The following SPAST variants were observed in gnomAD, a reference collection of about 807,000 sequenced individuals.
SPAST encodes the protein spastic paraplegia 4 (autosomal dominant; spastin).
A neutral mutation model predicts 76.6 loss-of-function variants in SPAST; 30 were observed. That is an observed-to-expected ratio of 0.39 (90% CI 0.29 to 0.53). The LOEUF is 0.53. Ranked by LOEUF, SPAST falls within the 20% of genes least tolerant of loss-of-function variation. The pLI is 0.68. For missense variants in SPAST, 717 were observed against 770.5 expected (o/e 0.93, Z 0.82); for synonymous variants, 305 against 281.0 (o/e 1.09, Z -0.86).
chr2:32,081,781 CAAAAAAAAA>C lies in SPAST; in HGVS notation c.416-5696_416-5688del, dbSNP rs34078147. ...CCTGGGCGACAGAGTGAGACACTGT[CAAAAAAAAA>C]AAAAAAAAAAAAAAGGAAAGAAAAG... On this transcript the variant is annotated intron_variant, in intron 1 of 16. Transcript: ENST00000315285. Among the ~76,000 whole-genome samples, 108 of 44,392 alleles carry C rather than the reference CAAAAAAAAA, an allele frequency of 2.4e-3. 1 individual carries two copies. In the East Asian group the frequency reaches 0.064, roughly 27 times the overall value. The allele number at this position is 44,392 out of a possible 152,430, so 29.1% of individuals were successfully genotyped here.
intron 1 of SPAST, among the ~76,000 whole-genome samples, chr2:32,078,994 C>T (rs148508739): frequency 2.0e-5 from 3 of 152,124 alleles, no homozygotes; most frequent in African/African-American, 7.2e-5. Context: ...CATGTCACCA[C>T]GCCCGGCTAA....
chr2:32,074,562 G>T (rs1425162377), intron 1 of SPAST, among the ~76,000 whole-genome samples: 2 of 151,578 alleles, frequency 1.3e-5, no homozygotes, highest in South Asian at 2.1e-4. Flanking sequence ...CTGGAGTTCA[G>T]TGGGGGCAAT....
chr2:32,066,859 A>G (rs1676532232), intron 1 of SPAST, among the ~76,000 whole-genome samples: 1 of 151,544 alleles, frequency 6.6e-6, no homozygotes, highest in Non-Finnish European at 1.5e-5. Flanking sequence ...CTGTAGTCCC[A>G]GCTACTTGGG....
At chr2:32,098,752 C>A (rs370532477) in intron 3 of SPAST, 44 bp from the exon 4 acceptor site, 166 of 1,264,890 alleles carry the variant, frequency 1.3e-4, no homozygotes, top group Middle Eastern at 3.7e-4. Flanking sequence ...TATCTTTTTT[C>A]TTTTTGTTTA....
chr2:32,139,169 A>G lies in SPAST; in HGVS notation c.1493+1981A>G, dbSNP rs1679637982. Among the ~76,000 whole-genome samples the G allele has an allele frequency of 2.0e-5, 3 of 152,164 alleles. No homozygotes were observed. The South Asian group carries it at 6.2e-4, about 31-fold the overall frequency. Reference sequence around the variant, plus strand: ...TTTTTGCTTCCATATGAATTTTAGAATATTTTTTTCTAATTTTGTGAAAAA... The same window carrying G: ...TTTTTGCTTCCATATGAATTTTAGAGTATTTTTTTCTAATTTTGTGAAAAA... On this transcript the variant is annotated intron_variant, in intron 12 of 16. Coordinates refer to ENST00000315285, the MANE Select transcript of SPAST (RefSeq NM_014946.4).
At chr2:32,148,642 C>T (rs1679974110) in intron 16 of SPAST, among the ~76,000 whole-genome samples, 2 of 151,950 alleles carry the variant, frequency 1.3e-5, no homozygotes, top group Non-Finnish European at 2.9e-5. Flanking sequence ...ACCCTGTCTC[C>T]ACTAAAAAAT....
intron 1 of SPAST, among the ~76,000 whole-genome samples, chr2:32,085,758 C>G (rs1049549346): frequency 2.6e-5 from 4 of 151,734 alleles, no homozygotes; most frequent in Non-Finnish European, 5.9e-5. Context: ...TTCATGTGGC[C>G]AGGTGCGGTG....
chr2:32,067,120 G>A (rs1676552172), intron 1 of SPAST, among the ~76,000 whole-genome samples: 1 of 152,082 alleles, frequency 6.6e-6, no homozygotes, highest in African/African-American at 2.4e-5. Flanking sequence ...GGAGTGCAAT[G>A]GTATGATCTT....
At chr2:32,146,640 G>A (rs975282267) in intron 15 of SPAST, among the ~76,000 whole-genome samples, 3 of 152,166 alleles carry the variant, frequency 2.0e-5, no homozygotes, top group African/African-American at 7.2e-5. Context: ...GCCAAGATGG[G>A]TGGATCATGA....
chr2:32,110,846 A>AGT (rs200500466), intron 4 of SPAST, among the ~76,000 whole-genome samples: 36,036 of 109,666 alleles, frequency 0.33, 6,495 homozygotes, highest in East Asian at 0.59. Context: ...TATACTATAT[A>AGT]GTATATAGAG....
rs1680233330 is a variant in SPAST, at chr2:32,155,853, G to C, written c.*1357G>C. On this transcript the variant is annotated 3_prime_UTR_variant, in exon 17 of 17. Transcript: ENST00000315285. ...CTATGTAAAATGTCATGAGTGGAAAGAATATTTGTAGTAGTAACAAGAATT... is the reference window on the plus strand; with the variant it reads ...CTATGTAAAATGTCATGAGTGGAAACAATATTTGTAGTAGTAACAAGAATT... 1 of 152,432 alleles carries C rather than the reference G, an allele frequency of 6.6e-6. No individual in the cohort carries two copies. Among genetic ancestry groups the C allele is most frequent in the Non-Finnish European group, 1.5e-5 (1 of 68,014 alleles). 9.4% of individuals were successfully genotyped at this position (152,432 alleles called of 1,614,324 possible).
intron 3 of SPAST, among the ~76,000 whole-genome samples, chr2:32,092,926 G>C (rs1004934127): frequency 1.1e-4 from 17 of 149,268 alleles, no homozygotes; most frequent in African/African-American, 4.2e-4. Context: ...AGGATGGCTT[G>C]AACCCAGAAA....
At chr2:32,106,699 T>G (rs1485904746) in intron 4 of SPAST, among the ~76,000 whole-genome samples, 1 of 152,222 alleles carries the variant, frequency 6.6e-6, no homozygotes, top group Non-Finnish European at 1.5e-5. Flanking sequence ...ACTCTTTCCC[T>G]TGTGGCTTCA....
At chr2:32,115,926 AC>A (rs1678816501) in intron 6 of SPAST, 91 bp downstream of exon 6, 2 of 1,091,010 alleles carry the variant, frequency 1.8e-6, no homozygotes, top group African/African-American at 3.2e-5. Flanking sequence ...GATAATAAAT[AC>A]CTTGTCTGGT....
In SPAST at chr2:32,121,264, T is replaced by G. The variant is rs570824183; in HGVS notation, c.1098+5052T>G. Among the ~76,000 whole-genome samples the G allele has an allele frequency of 2.4e-4, 37 of 152,202 alleles. No homozygotes were observed. The South Asian group carries it at 7.7e-3, about 32-fold the overall frequency. On this transcript the variant is annotated intron_variant, in intron 7 of 16. Coordinates refer to ENST00000315285, the MANE Select transcript of SPAST (RefSeq NM_014946.4). ...ACCTCTGGGGTTCAAGCGATTCTCC[T>G]GCCTCAGCCTCCCGAGTAGCTGGGA...
At chr2:32,127,795 C>T (rs1186969618) in intron 8 of SPAST, 1 of 151,900 alleles carries the variant, frequency 6.6e-6, no homozygotes, top group African/African-American at 2.4e-5. Context: ...TTTCTCAAAG[C>T]AGTTATCTTT....
chr2:32,079,391 G>T (rs1219409813), intron 1 of SPAST, among the ~76,000 whole-genome samples: 1 of 151,616 alleles, frequency 6.6e-6, no homozygotes, highest in Admixed American at 6.6e-5. Context: ...CACACCTGTG[G>T]TCCCAGCTAT....
chr2:32,109,317 C>T (rs1225464599), intron 4 of SPAST, among the ~76,000 whole-genome samples: 1 of 151,884 alleles, frequency 6.6e-6, no homozygotes, highest in Non-Finnish European at 1.5e-5. Flanking sequence ...CCATGTTGGC[C>T]AGGCTGGTCT....
chr2:32,142,682 C>A (rs1417957324), intron 13 of SPAST, among the ~76,000 whole-genome samples: 1 of 152,144 alleles, frequency 6.6e-6, no homozygotes, highest in African/African-American at 2.4e-5. Context: ...AGGCATGAGT[C>A]ACCGTGCCCG....
Sources: gnomAD v4.1 joint callset for allele counts (sites outside exome capture counted in the v4.1 genomes callset) on GRCh38, gnomAD v4.1.1 for gene constraint, MANE v1.5 for transcripts, NCBI Gene and HGNC (gene_info 2026-07-23, HGNC 2026-07-21) for gene names.